Variants in ITGB4 observed in about 807,000 individuals in gnomAD.
ITGB4 encodes the protein integrin beta-4.
In ITGB4, 159 loss-of-function variants were observed where a neutral mutation model predicts 207.6. The ratio of observed to expected loss-of-function variants is 0.77; its 90% CI spans 0.67 to 0.87. The LOEUF is 0.87. Among genes scored for constraint, ITGB4 ranks in the 40% least tolerant of loss-of-function variants. ITGB4 has a pLI of 0.00. For missense variants in ITGB4, 2,278 were observed against 2,546.8 expected (o/e 0.89, Z 2.27); for synonymous variants, 1,020 against 1,062.7 (o/e 0.96, Z 0.78).
intron 1 of ITGB4, among the ~76,000 whole-genome samples, chr17:75,723,751 C>T (rs1421734470): frequency 2.6e-5 from 4 of 152,200 alleles, no homozygotes; most frequent in Admixed American, 6.5e-5. Context: ...GGGGAGGGCC[C>T]GTGGGCAGGG....
At chr17:75,755,174 A>T in intron 34 of ITGB4, 1 of 1,608,186 alleles carries the variant, frequency 6.2e-7, no homozygotes, top group East Asian at 2.2e-5. Flanking sequence ...AGACTCTATA[A>T]TCCTGGCTGG....
In ITGB4 at chr17:75,753,902, C is replaced by A. The variant is rs1388467015; in HGVS notation, c.4246C>A (p.Pro1416Thr). 1.5e-6 allele frequency: 2 copies of A among 1,292,920 alleles called. No individual in the cohort carries two copies. Among genetic ancestry groups the A allele is most frequent in the East Asian group, 3.1e-5 (1 of 31,838 alleles). 80.1% of individuals were successfully genotyped at this position (1,292,920 alleles called of 1,614,324 possible). A position where few individuals can be genotyped will look rare whatever the true frequency, so the allele number is the denominator to read the frequency against. Residue 1416 changes from proline to threonine, a missense_variant, in exon 33 of 40, where the codon CCC becomes ACC. Coordinates refer to ENST00000200181, the MANE Select transcript of ITGB4 (RefSeq NM_000213.5). The stretch of plus-strand genomic sequence containing the variant: ...CTCCGACGCCGAGGCGCCCCACGGG[C>A]CCCCGGACGACGGCGGCGCGGGCGG... ...RSSDAEAPHGPPDDGGAGGKG... is the reference protein window; with the variant it reads ...RSSDAEAPHGTPDDGGAGGKG...
rs750367954 is a variant in ITGB4, at chr17:75,756,955, C to T, written c.5066C>T (p.Ala1689Val). The change falls in exon 38 of 40, where the codon GCA (alanine) becomes GTA (valine). Residue 1689 changes from alanine to valine, a missense_variant. Physicochemically the swap from Ala to Val is moderately conservative, Grantham distance 64. Transcript: ENST00000200181. ...CTTCCCTGCTCAGGGCCAGCCACCGCATTCCGGGTGGATGGAGACAGCCCC... is the reference window on the plus strand; with the variant it reads ...CTTCCCTGCTCAGGGCCAGCCACCGTATTCCGGGTGGATGGAGACAGCCCC... ...EMAQGGGPAT[A>V]FRVDGDSPES... is the part of the protein sequence containing the mutation. 4.1e-5 allele frequency: 66 copies of T among 1,612,546 alleles called. 1 individual carries two copies. The highest frequency in any genetic ancestry group is 6.7e-5 in the African/African-American group (5 of 74,900).
chr17:75,734,378 T>C (rs1021069957), intron 13 of ITGB4, among the ~76,000 whole-genome samples: 19 of 151,940 alleles, frequency 1.3e-4, no homozygotes, highest in African/African-American at 4.6e-4. Context: ...TCAGGTGATC[T>C]GCCCGCCTCA....
Position 75,756,926 on chromosome 17 carries a change from G to A in ITGB4, c.5054-17G>A. The A allele has an allele frequency of 6.2e-7, 1 of 1,612,324 alleles. No homozygotes were observed. Among genetic ancestry groups the A allele is most frequent in the Non-Finnish European group, 8.5e-7 (1 of 1,179,866 alleles). On this transcript the variant is annotated splice_polypyrimidine_tract_variant and intron_variant, in intron 37 of 39. Transcript: ENST00000200181. ...AAAGAGGGGGCCGCAGACGCTGAAG[G>A]CATCTTCCCTGCTCAGGGCCAGCCA...
chr17:75,727,876 A>AGG lies in ITGB4; in HGVS notation c.469+22_469+23dup. ...CCTGGGTACGGCAGGGCCAGAGTGG[A>AGG]GGACAGCAGGGCAGGAGGGGGACAG... On this transcript the variant is annotated intron_variant, in intron 5 of 39. Coordinates refer to ENST00000200181, the MANE Select transcript of ITGB4 (RefSeq NM_000213.5). The surrounding 1 kb of genome is among the most constrained non-coding windows in gnomAD (Gnocchi z 6.0). 6.2e-7 allele frequency: 1 copy of AGG among 1,611,014 alleles called. No individual in the cohort carries two copies. The highest frequency in any genetic ancestry group is 8.5e-7 in the Non-Finnish European group (1 of 1,178,022).
intron 26 of ITGB4, 129 bp downstream of exon 26, chr17:75,743,990 C>A: frequency 9.5e-7 from 1 of 1,052,386 alleles, no homozygotes; most frequent in Non-Finnish European, 1.4e-6. Flanking sequence ...CCTGGCTGGC[C>A]TCCCAAGGAC....
Position 75,757,501 on chromosome 17 carries a change from G to A in ITGB4, c.5415G>A (p.Leu1805=), listed in dbSNP as rs1386079211. 4 of 1,613,204 alleles carry A rather than the reference G, an allele frequency of 2.5e-6. No homozygotes were observed. Among genetic ancestry groups the A allele is most frequent in the South Asian group, 1.1e-5 (1 of 91,080 alleles). The change falls in exon 40 of 40, where the codon CTG becomes CTA. Residue 1805 remains leucine, a synonymous_variant. Transcript: ENST00000200181. The part of the protein sequence containing the change: ...HVTQEFVSRT[L]TTSGTLSTHM... ...CCCAGGAGTTTGTGAGCCGGACACT[G>A]ACCACCAGCGGAACCCTTAGCACCC... is the stretch of plus-strand genomic sequence containing the variant.
At chr17:75,756,910 G>A (rs201790283) in intron 37 of ITGB4, 33 bp from the exon 38 acceptor site, 364 of 1,612,168 alleles carry the variant, frequency 2.3e-4, no homozygotes, top group Admixed American at 1.1e-3. Flanking sequence ...TAAAGAGGGG[G>A]CCGCAGACGC....
At chr17:75,728,021 AC>A (rs1445385120) in intron 5 of ITGB4, among the ~76,000 whole-genome samples, 166 bp downstream of exon 5, 1 of 151,812 alleles carries the variant, frequency 6.6e-6, no homozygotes, top group African/African-American at 2.4e-5. Flanking sequence ...TCTCGGTCAG[AC>A]CCTACTCACC....
Position 75,757,061 on chromosome 17 carries a change from C to T in ITGB4, c.5172C>T (p.Phe1724=), listed in dbSNP as rs144339436. The T allele has an allele frequency of 8.3e-4, 1,345 of 1,612,576 alleles. No individual in the cohort carries two copies. Among genetic ancestry groups the T allele is most frequent in the Non-Finnish European group, 1.0e-3 (1,223 of 1,179,854 alleles). The change falls in exon 38 of 40, where the codon TTC becomes TTT. Residue 1724 remains phenylalanine (F), a synonymous_variant. Coordinates refer to ENST00000200181, the MANE Select transcript of ITGB4 (RefSeq NM_000213.5). ...FKVQARTTEG[F]GPEREGIITI... is the part of the protein sequence containing the mutation. Reference sequence around the variant, plus strand: ...TGCAGGCCAGGACCACTGAGGGCTTCGGGCCAGAGCGCGAGGGCATCATCA... The same window carrying T: ...TGCAGGCCAGGACCACTGAGGGCTTTGGGCCAGAGCGCGAGGGCATCATCA...
rs148535298 is a variant in ITGB4, at chr17:75,731,858, C to T, written c.1262C>T (p.Thr421Met). 114 of 1,612,662 alleles carry T rather than the reference C, an allele frequency of 7.1e-5. No individual in the cohort carries two copies. The highest frequency in any genetic ancestry group is 4.1e-4 in the African/African-American group (31 of 74,902). The part of the protein sequence containing the change: ...QLRALEHVDG[T>M]HVCQLPEDQK... ...CGGGCCCTTGAGCACGTGGATGGGA[C>T]GCACGTGTGCCAGCTGCCGGAGGAC... Residue 421 changes from threonine to methionine, a missense_variant, in exon 11 of 40, where the codon ACG (threonine) becomes ATG (methionine). Physicochemically the swap from Thr to Met is moderately conservative, Grantham distance 81. Transcript: ENST00000200181. This position sits in a 1 kb window ranked among gnomAD's most constrained non-coding sequence, Gnocchi z 6.8.
In ITGB4 at chr17:75,732,600, T is replaced by C. The variant is rs2060886134; in HGVS notation, c.1454+361T>C. Among the ~76,000 whole-genome samples the C allele has an allele frequency of 1.3e-5, 2 of 152,246 alleles. No individual in the cohort carries two copies. Among genetic ancestry groups the C allele is most frequent in the African/African-American group, 2.4e-5 (1 of 41,528 alleles). On this transcript the variant is annotated intron_variant, in intron 12 of 39. Coordinates refer to ENST00000200181, the MANE Select transcript of ITGB4 (RefSeq NM_000213.5). The surrounding 1 kb of genome is among the most constrained non-coding windows in gnomAD (Gnocchi z 5.3). ...GCCTGATCAGAAGAGAGCTCGTAAA[T>C]GCACGGCAGTAAGGGCTTTAGCTTC...
chr17:75,740,135 G>T lies in ITGB4; in HGVS notation c.2446+64G>T. ...CCTTCGGGCCCTCTGTTCCAGATCT[G>T]GGATCACAGCATGCCTCTTCTCTGG... On this transcript the variant is annotated intron_variant, in intron 20 of 39. Coordinates refer to ENST00000200181, the MANE Select transcript of ITGB4 (RefSeq NM_000213.5). This position sits in a 1 kb window ranked among gnomAD's most constrained non-coding sequence, Gnocchi z 5.9. 1 of 1,514,054 alleles carries T rather than the reference G, an allele frequency of 6.6e-7. No homozygotes were observed. The highest frequency in any genetic ancestry group is 2.3e-5 in the East Asian group (1 of 42,714). The allele number at this position is 1,514,054 out of a possible 1,614,324, so 93.8% of individuals were successfully genotyped here.
chr17:75,740,684 C>A lies in ITGB4; in HGVS notation c.2551-109C>A. The A allele has an allele frequency of 7.7e-7, 1 of 1,303,608 alleles. No individual in the cohort carries two copies. 80.8% of individuals were successfully genotyped at this position (1,303,608 alleles called of 1,614,324 possible). ...GCCCCACGGGGCATGCCCCAGCCAA[C>A]CCTGAGGATCTCTGGGTACAGAGGC... is the stretch of plus-strand genomic sequence containing the variant. On this transcript the variant is annotated intron_variant, in intron 21 of 39. Coordinates refer to ENST00000200181, the MANE Select transcript of ITGB4 (RefSeq NM_000213.5). The surrounding 1 kb of genome is among the most constrained non-coding windows in gnomAD (Gnocchi z 5.9).
At chr17:75,753,668 C>A in intron 32 of ITGB4, 97 bp from the exon 33 acceptor site, 1 of 788,084 alleles carries the variant, frequency 1.3e-6, no homozygotes, top group Non-Finnish European at 1.7e-6. Context: ...GAGCTGGAGA[C>A]GGGCTCCCCT....
intron 33 of ITGB4, 67 bp downstream of exon 33, chr17:75,754,041 G>A: frequency 1.3e-6 from 1 of 749,274 alleles, no homozygotes; most frequent in South Asian, 4.6e-5. Flanking sequence ...GAGGGCCTGG[G>A]GTGGGCGTCT....
chr17:75,756,236 T>C (rs2061497852), intron 35 of ITGB4, among the ~76,000 whole-genome samples, 193 bp from the exon 36 acceptor site: 1 of 152,168 alleles, frequency 6.6e-6, no homozygotes, highest in Admixed American at 6.5e-5. Context: ...TGAGTGGGAT[T>C]ACAGGCTCCA....
intron 25 of ITGB4, 35 bp from the exon 26 acceptor site, chr17:75,743,678 C>A: frequency 6.2e-7 from 1 of 1,613,292 alleles, no homozygotes; most frequent in Middle Eastern, 1.6e-4. Context: ...GGACTGGGCC[C>A]AGCACACTCT....
Sources: allele counts gnomAD v4.1 joint callset (sites outside exome capture counted in the v4.1 genomes callset), GRCh38; gene constraint gnomAD v4.1.1; non-coding constraint Gnocchi (gnomAD v3.1); transcripts MANE v1.5; gene names NCBI Gene and HGNC (gene_info 2026-07-23, HGNC 2026-07-21).